GCA: variants seen among roughly 807,000 people sequenced by gnomAD.
GCA encodes grancalcin, EF-hand calcium-binding protein.
A neutral mutation model predicts 32.6 loss-of-function variants in GCA; 30 were observed. That is an observed-to-expected ratio of 0.92 (90% CI 0.69 to 1.25). The LOEUF (loss-of-function observed/expected upper bound fraction) is 1.25. Among genes scored for constraint, GCA ranks in the 50% most tolerant of loss-of-function variants. The pLI is 0.00. For synonymous variants in GCA, 102 were observed against 84.6 expected (o/e 1.21, Z -1.13); for missense variants, 291 against 266.8 (o/e 1.09, Z -0.63).
chr2:162,320,323 A>G (rs1202796606), intron 1 of GCA, among the ~76,000 whole-genome samples: 1 of 152,222 alleles, frequency 6.6e-6, no homozygotes, highest in Non-Finnish European at 1.5e-5. Context: ...AAGCACTCAA[A>G]TTATTAATTT....
downstream of GCA, among the ~76,000 whole-genome samples, chr2:162,372,304 T>C (rs1460962507): frequency 6.6e-6 from 1 of 152,140 alleles, no homozygotes; most frequent in Admixed American, 6.6e-5. Flanking sequence ...CCAAGAACTT[T>C]TATTTAACCC....
chr2:162,326,223 A>G (rs111822369), intron 1 of GCA, among the ~76,000 whole-genome samples: 3,248 of 152,302 alleles, frequency 0.021, 124 homozygotes, highest in African/African-American at 0.069. Flanking sequence ...GCTTGCACAT[A>G]TGGGACCTCA....
At chr2:162,355,701 C>T (rs1457119396) in intron 3 of GCA, among the ~76,000 whole-genome samples, 1 of 150,394 alleles carries the variant, frequency 6.6e-6, no homozygotes, top group South Asian at 2.1e-4. Flanking sequence ...TCAAATCACC[C>T]CTGGTTTTAA....
Position 162,361,438 on chromosome 2 carries a change from T to C in GCA, c.*1195T>C, listed in dbSNP as rs1170600307. 4.1e-6 allele frequency: 4 copies of C among 978,530 alleles called. No homozygotes were observed. The South Asian group carries it at 1.4e-4, about 35-fold the overall frequency. The allele number at this position is 978,530 out of a possible 1,614,324, so 60.6% of individuals were successfully genotyped here. On this transcript the variant is annotated 3_prime_UTR_variant, in exon 8 of 8. Transcript: ENST00000437150. ...TTTCTTATGCTTTAAATGTGTATTT[T>C]CTAACCTAACAGTGAGTGACATAAT...
downstream of GCA, among the ~76,000 whole-genome samples, chr2:162,365,833 A>G (rs1331975266): frequency 3.3e-5 from 5 of 151,738 alleles, no homozygotes; most frequent in East Asian, 7.8e-4. Context: ...GAAAGATGCC[A>G]TATCATTTCA....
At chr2:162,335,099 C>T (rs1049519155) in intron 1 of GCA, among the ~76,000 whole-genome samples, 1 of 152,144 alleles carries the variant, frequency 6.6e-6, no homozygotes, top group Non-Finnish European at 1.5e-5. Flanking sequence ...CTCAACATAT[C>T]CCACTCCCTA....
chr2:162,347,550 C>A (rs200188082), intron 1 of GCA, 28 bp from the exon 2 acceptor site: 2 of 1,471,268 alleles, frequency 1.4e-6, no homozygotes, highest in East Asian at 4.7e-5. Flanking sequence ...ATTTATATTA[C>A]TAACCTTCTC....
At chr2:162,369,073 C>T (rs1470112771) in intron 4 of GCA, among the ~76,000 whole-genome samples, 2 of 152,040 alleles carry the variant, frequency 1.3e-5, no homozygotes, top group East Asian at 3.9e-4. Context: ...ATTACTGCTT[C>T]TAATTACCTA....
chr2:162,374,809 T>C (rs143632658), downstream of GCA, among the ~76,000 whole-genome samples: 39 of 152,278 alleles, frequency 2.6e-4, no homozygotes, highest in African/African-American at 8.7e-4. Flanking sequence ...TTAGTAAATA[T>C]AGCCATATAG....
intron 4 of GCA, 24 bp downstream of exon 4, chr2:162,356,505 A>T: frequency 7.0e-7 from 1 of 1,425,736 alleles, no homozygotes; most frequent in Non-Finnish European, 9.9e-7. Flanking sequence ...GAAATAGAAA[A>T]TACTAGAATA....
At chr2:162,321,517 T>C (rs1476763323) in intron 1 of GCA, among the ~76,000 whole-genome samples, 1 of 152,058 alleles carries the variant, frequency 6.6e-6, no homozygotes, top group Non-Finnish European at 1.5e-5. Context: ...TGTTTGCTCA[T>C]TTGTATCAAT....
intron 2 of GCA, among the ~76,000 whole-genome samples, chr2:162,349,067 TTATAA>T (rs1336506400): frequency 6.8e-6 from 1 of 147,068 alleles, no homozygotes; most frequent in Non-Finnish European, 1.5e-5. Flanking sequence ...AAATATTAAA[TTATAA>T]TATATCATAT....
upstream of GCA, among the ~76,000 whole-genome samples, chr2:162,340,837 C>T (rs1034585398): frequency 6.6e-6 from 1 of 152,120 alleles, no homozygotes; most frequent in Non-Finnish European, 1.5e-5. Context: ...CCTACAGATA[C>T]CTCCAGAATG....
intron 1 of GCA, among the ~76,000 whole-genome samples, chr2:162,327,706 T>C (rs1042412090): frequency 1.3e-5 from 2 of 152,168 alleles, no homozygotes; most frequent in Admixed American, 1.3e-4. Context: ...TGCATGCCTG[T>C]GGCTGTCGAG....
At chr2:162,344,092 T>C, upstream of GCA, 6 of 736,746 alleles carry the variant, frequency 8.1e-6, no homozygotes, top group South Asian at 1.0e-4. Context: ...GGGGCTGGCC[T>C]GCGGAAGGGG....
At chr2:162,350,206 G>A (rs745491913) in intron 2 of GCA, among the ~76,000 whole-genome samples, 30 of 152,162 alleles carry the variant, frequency 2.0e-4, no homozygotes, top group Non-Finnish European at 2.8e-4. Context: ...GCCTTACTGG[G>A]AGCAAGCCTT....
chr2:162,344,542 A>G, intron 1 of GCA: 2 of 496,476 alleles, frequency 4.0e-6, no homozygotes, highest in South Asian at 3.1e-5. Context: ...TTGGAAATTT[A>G]TTTCCTGGAA....
At chr2:162,374,020 G>A (rs959532087), downstream of GCA, among the ~76,000 whole-genome samples, 1 of 152,110 alleles carries the variant, frequency 6.6e-6, no homozygotes, top group African/African-American at 2.4e-5. Context: ...TCAGTTTCTT[G>A]TGAACATTTT....
Position 162,359,030 on chromosome 2 carries a change from T to C in GCA, c.455-14T>C. On this transcript the variant is annotated splice_polypyrimidine_tract_variant and intron_variant, in intron 5 of 7. Transcript: ENST00000437150. ...TTATTTACATTTAGAAGTTTTAATT[T>C]ATCTCTTTTTTAGGTTATAGGTTGA... is the stretch of plus-strand genomic sequence containing the variant. 8.1e-7 allele frequency: 1 copy of C among 1,238,860 alleles called. No individual in the cohort carries two copies. Among genetic ancestry groups the C allele is most frequent in the Non-Finnish European group, 1.2e-6 (1 of 853,744 alleles). 76.7% of individuals were successfully genotyped at this position (1,238,860 alleles called of 1,614,324 possible). A position where few individuals can be genotyped will look rare whatever the true frequency, so the allele number is the denominator to read the frequency against.
Sources: allele counts gnomAD v4.1 joint callset (sites outside exome capture counted in the v4.1 genomes callset), GRCh38; gene constraint gnomAD v4.1.1; transcripts MANE v1.5; gene names NCBI Gene and HGNC (gene_info 2026-07-23, HGNC 2026-07-21).